THSD7B: variants seen among roughly 807,000 people sequenced by gnomAD.
THSD7B encodes the protein thrombospondin type 1 domain containing 7B, also known as thrombospondin type-1 domain-containing protein 7B.
In THSD7B, 138 loss-of-function variants were observed where a neutral mutation model predicts 213.6. The observed-to-expected ratio is 0.65, with a 90% CI of 0.56 to 0.74. THSD7B has a LOEUF of 0.74. Ranked by LOEUF, THSD7B falls within the 30% of genes least tolerant of loss-of-function variation. The pLI, the probability that THSD7B is intolerant of heterozygous loss-of-function variation, is 0.00. For missense variants in THSD7B, 1,931 were observed against 1,991.5 expected (o/e 0.97, Z 0.58); for synonymous variants, 742 against 687.0 (o/e 1.08, Z -1.25).
At chr2:136,874,709 A>C (rs975481696) in intron 1 of THSD7B, among the ~76,000 whole-genome samples, 2 of 152,174 alleles carry the variant, frequency 1.3e-5, no homozygotes, top group Non-Finnish European at 2.9e-5. Context: ...TAGAAAACTG[A>C]GGCTAAAAGG....
intron 2 of THSD7B, among the ~76,000 whole-genome samples, chr2:136,903,952 GTGTGTGTGTGTGTGTGTGTGTTTGTT>G (rs1428010219): frequency 9.6e-5 from 7 of 72,728 alleles, no homozygotes; most frequent in South Asian, 6.3e-4. Context: ...GTGTGTGTGT[GTGTGTGTGTGTGTGTGTGTGTTTGTT>G]TGTTTCTGAG....
At chr2:137,417,733 T>C (rs367569564) in intron 14 of THSD7B, among the ~76,000 whole-genome samples, 1 of 152,182 alleles carries the variant, frequency 6.6e-6, no homozygotes. Flanking sequence ...GCAACTGACC[T>C]AAGACAGCAT....
chr2:137,300,705 A>G (rs1384780007), intron 12 of THSD7B, among the ~76,000 whole-genome samples: 1 of 152,172 alleles, frequency 6.6e-6, no homozygotes, highest in East Asian at 1.9e-4. Context: ...ACATGCTGGA[A>G]AAAGGAAAAA....
At chr2:136,773,690 T>C (rs1050421482) in intron 1 of THSD7B, among the ~76,000 whole-genome samples, 4 of 152,060 alleles carry the variant, frequency 2.6e-5, no homozygotes, top group African/African-American at 9.7e-5. Context: ...GGCCACCATA[T>C]TGAACATGCC....
chr2:137,124,294 A>G (rs1397918437), intron 5 of THSD7B, among the ~76,000 whole-genome samples: 2 of 152,100 alleles, frequency 1.3e-5, no homozygotes, highest in Admixed American at 6.6e-5. Context: ...CTTCCAATCT[A>G]TTTCTCCAGC....
intron 17 of THSD7B, among the ~76,000 whole-genome samples, chr2:137,596,006 G>A (rs1377611143): frequency 6.6e-6 from 1 of 151,798 alleles, no homozygotes; most frequent in Non-Finnish European, 1.5e-5. Context: ...AATACAAGTA[G>A]CAAAAACAGA....
intron 2 of THSD7B, among the ~76,000 whole-genome samples, chr2:137,048,599 A>C (rs1306614542): frequency 6.6e-6 from 1 of 152,192 alleles, no homozygotes; most frequent in African/African-American, 2.4e-5. Flanking sequence ...GTAATGGTAA[A>C]TGAAATGTTT....
At chr2:137,391,159 A>G in intron 12 of THSD7B, among the ~76,000 whole-genome samples, 1 of 151,938 alleles carries the variant, frequency 6.6e-6, no homozygotes, top group East Asian at 1.9e-4. Flanking sequence ...TCGGTTCAGG[A>G]TTTCTGTTTG....
intron 12 of THSD7B, among the ~76,000 whole-genome samples, chr2:137,287,243 T>C (rs1178200441): frequency 6.6e-6 from 1 of 152,094 alleles, no homozygotes; most frequent in Non-Finnish European, 1.5e-5. Flanking sequence ...CTCTCCTAAA[T>C]ATTATGATTT....
At chr2:137,322,528 T>C (rs1352444616) in intron 12 of THSD7B, among the ~76,000 whole-genome samples, 1 of 152,188 alleles carries the variant, frequency 6.6e-6, no homozygotes, top group Non-Finnish European at 1.5e-5. Context: ...CGAGACTGAA[T>C]CTTGGAGAAA....
chr2:137,460,710 TAAG>T (rs961408806), intron 15 of THSD7B, among the ~76,000 whole-genome samples: 1 of 152,090 alleles, frequency 6.6e-6, no homozygotes, highest in Non-Finnish European at 1.5e-5. Context: ...TGTATATTTA[TAAG>T]AAGGAGTGCA....
intron 1 of THSD7B, among the ~76,000 whole-genome samples, chr2:136,842,578 T>C (rs910268445): frequency 3.3e-5 from 5 of 152,244 alleles, no homozygotes; most frequent in African/African-American, 1.2e-4. Context: ...GAATAAAAAC[T>C]GAGCTATGTT....
intron 15 of THSD7B, among the ~76,000 whole-genome samples, chr2:137,492,294 A>G (rs901510850): frequency 6.6e-6 from 1 of 152,034 alleles, no homozygotes; most frequent in Admixed American, 6.6e-5. Context: ...TCTTATACCT[A>G]TTTTCCAGAT....
chr2:136,954,318 A>G (rs747715789), intron 2 of THSD7B, among the ~76,000 whole-genome samples: 15 of 152,222 alleles, frequency 9.9e-5, no homozygotes, highest in Non-Finnish European at 1.5e-4. Context: ...GAGTAGCCAG[A>G]TAAGAAAAGG....
At chr2:137,554,627 C>G (rs1680915863) in intron 15 of THSD7B, among the ~76,000 whole-genome samples, 1 of 152,120 alleles carries the variant, frequency 6.6e-6, no homozygotes, top group African/African-American at 2.4e-5. Flanking sequence ...GTGAGTGATG[C>G]AGAGGTTGGG....
intron 21 of THSD7B, among the ~76,000 whole-genome samples, chr2:137,647,041 C>T (rs142769382): frequency 1.8e-4 from 28 of 152,266 alleles, no homozygotes; most frequent in Middle Eastern, 3.4e-3. Flanking sequence ...GCAGCTTATC[C>T]GTGACCTTCC....
chr2:137,296,109 G>GA (rs1290807243), intron 12 of THSD7B, among the ~76,000 whole-genome samples: 1 of 152,040 alleles, frequency 6.6e-6, no homozygotes, highest in African/African-American at 2.4e-5. Flanking sequence ...CATTTGTGTT[G>GA]AAAATGAGTT....
intron 15 of THSD7B, among the ~76,000 whole-genome samples, chr2:137,516,176 A>G (rs1680064235): frequency 6.8e-6 from 1 of 147,588 alleles, no homozygotes; most frequent in Non-Finnish European, 1.5e-5. Context: ...GAGCTCTGAC[A>G]TGGGCTAACT....
At chr2:137,498,738 G>T (rs1206215247) in intron 15 of THSD7B, among the ~76,000 whole-genome samples, 1 of 152,056 alleles carries the variant, frequency 6.6e-6, no homozygotes, top group Non-Finnish European at 1.5e-5. Context: ...TGGCCCTTTG[G>T]ACTAATTATA....
Sources: allele counts gnomAD v4.1 joint callset (sites outside exome capture counted in the v4.1 genomes callset), GRCh38; gene constraint gnomAD v4.1.1; transcripts MANE v1.5; gene names NCBI Gene and HGNC (gene_info 2026-07-23, HGNC 2026-07-21).